CCDC88C: variants seen among roughly 807,000 people sequenced by gnomAD.
CCDC88C encodes the protein coiled-coil and HOOK domain protein 88C.
CCDC88C carries 131 observed loss-of-function variants against 198.8 expected under a neutral mutation model. That is an observed-to-expected ratio of 0.66 (90% CI 0.57 to 0.76). The LOEUF (loss-of-function observed/expected upper bound fraction) is 0.76, where lower values mean the gene tolerates loss of function less well. Among genes scored for constraint, CCDC88C ranks in the 30% least tolerant of loss-of-function variants. The pLI is 0.00. For synonymous variants in CCDC88C, 1,166 were observed against 1,114.7 expected (o/e 1.05, Z -0.92); for missense variants, 2,553 against 2,631.6 (o/e 0.97, Z 0.65).
chr14:91,345,187 TATA>T (rs1338871243), intron 4 of CCDC88C, among the ~76,000 whole-genome samples: 12,856 of 82,468 alleles, frequency 0.16, 1,262 homozygotes, highest in Non-Finnish European at 0.21. Context: ...TATATATATA[TATA>T]TTTTTTTTTT....
At chr14:91,340,799 A>G (rs533888678) in intron 6 of CCDC88C, among the ~76,000 whole-genome samples, 14 of 152,314 alleles carry the variant, frequency 9.2e-5, no homozygotes, top group African/African-American at 3.4e-4. Flanking sequence ...AGAAAACAAA[A>G]AAACTCAGCT....
chr14:91,305,642 C>T, intron 19 of CCDC88C, 123 bp downstream of exon 19: 2 of 939,134 alleles, frequency 2.1e-6, no homozygotes, highest in South Asian at 2.1e-5. Flanking sequence ...AACAAAATCC[C>T]AAACTGCTTT....
At chr14:91,290,006 C>A (rs1890589683) in intron 24 of CCDC88C, among the ~76,000 whole-genome samples, 1 of 152,096 alleles carries the variant, frequency 6.6e-6, no homozygotes. Flanking sequence ...CATGGTGGCT[C>A]ACGCCTGTAA....
chr14:91,354,213 G>C (rs534633332), intron 4 of CCDC88C, among the ~76,000 whole-genome samples: 2 of 152,316 alleles, frequency 1.3e-5, no homozygotes, highest in Admixed American at 6.5e-5. Context: ...AAAAAACAAT[G>C]CTTTCTTCCA....
chr14:91,361,517 A>G (rs1894304991), intron 3 of CCDC88C, among the ~76,000 whole-genome samples: 2 of 152,130 alleles, frequency 1.3e-5, no homozygotes, highest in Admixed American at 6.5e-5. Flanking sequence ...TATGGCTCCT[A>G]TCCACACTGC....
chr14:91,276,438 A>G (rs112525718), intron 29 of CCDC88C, among the ~76,000 whole-genome samples: 2 of 152,236 alleles, frequency 1.3e-5, no homozygotes, highest in Non-Finnish European at 2.9e-5. Context: ...GCCATGTTTT[A>G]TATTTCTCTC....
At chr14:91,294,082 CCT>C in intron 23 of CCDC88C, 89 bp downstream of exon 23, 5 of 1,477,686 alleles carry the variant, frequency 3.4e-6, no homozygotes, top group Non-Finnish European at 4.7e-6. Flanking sequence ...CCCAGGGGCT[CCT>C]CTCTGCATGG....
chr14:91,325,024 A>C lies in CCDC88C; in HGVS notation c.1198-101T>G. The stretch of plus-strand genomic sequence containing the variant: ...TAGCTACCGTCATGTGCTGTGGATG[A>C]AGATGTACTGGCTCACTTCCAAATA... On this transcript the variant is annotated intron_variant, in intron 11 of 29. Transcript: ENST00000389857. This position sits in a 1 kb window ranked among gnomAD's most constrained non-coding sequence, Gnocchi z 4.1. 2.8e-6 allele frequency: 4 copies of C among 1,421,036 alleles called. No homozygotes were observed. The highest frequency in any genetic ancestry group is 3.9e-6 in the Non-Finnish European group (4 of 1,027,268). The allele number at this position is 1,421,036 out of a possible 1,614,324, so 88.0% of individuals were successfully genotyped here.
intron 12 of CCDC88C, among the ~76,000 whole-genome samples, chr14:91,322,613 C>A (rs192507736): frequency 7.2e-5 from 11 of 151,958 alleles, no homozygotes; most frequent in South Asian, 4.1e-4. Flanking sequence ...AGTGTCTCTG[C>A]AGAATTCATG....
intron 10 of CCDC88C, among the ~76,000 whole-genome samples, chr14:91,329,833 C>T (rs551518503): frequency 6.0e-4 from 91 of 152,346 alleles, no homozygotes; most frequent in African/African-American, 1.9e-3. Context: ...TACACAAGGT[C>T]GTTACCACTC....
Position 91,272,764 on chromosome 14 carries a change from C to G in CCDC88C, c.5948G>C (p.Gly1983Ala), listed in dbSNP as rs45542736. 0.017 allele frequency: 27,416 copies of G among 1,607,908 alleles called. 342 individuals are homozygous for G. The highest frequency in any genetic ancestry group is 0.025 in the Middle Eastern group (153 of 6,008). Reference protein sequence around the residue: ...CSEGLPAKSPGRSPDLAPHLG... With the variant: ...CSEGLPAKSPARSPDLAPHLG... The stretch of plus-strand genomic sequence containing the variant: ...GTGGGGAGCCAAATCGGGAGACCGA[C>G]CTGGGCTCTTGGCCGGAAGCCCCTC... Residue 1983 changes from glycine to alanine, a missense_variant, in exon 30 of 30, where the codon GGT becomes GCT. Coordinates refer to ENST00000389857, the MANE Select transcript of CCDC88C (RefSeq NM_001080414.4).
At chr14:91,369,491 C>G (rs1177594675) in intron 3 of CCDC88C, among the ~76,000 whole-genome samples, 1 of 152,202 alleles carries the variant, frequency 6.6e-6, no homozygotes, top group African/African-American at 2.4e-5. Context: ...CAGGTGTGAC[C>G]CACCATGCCC....
At position 91,273,700 on chromosome 14, in the gene CCDC88C, G is replaced by A; in HGVS notation, c.5059-47C>T. 1 of 1,405,836 alleles carries A rather than the reference G, an allele frequency of 7.1e-7. No individual in the cohort carries two copies. The highest frequency in any genetic ancestry group is 1.9e-5 in the South Asian group (1 of 52,928). 87.1% of individuals were successfully genotyped at this position (1,405,836 alleles called of 1,614,324 possible). ...TTGGAGGTGGGCATGAGGGTTGGGT[G>A]GGTCCTTGGAGCCGCCTCCTGCGCG... is the stretch of plus-strand genomic sequence containing the variant. On this transcript the variant is annotated intron_variant, in intron 29 of 29. Transcript: ENST00000389857. This position sits in a 1 kb window ranked among gnomAD's most constrained non-coding sequence, Gnocchi z 5.6.
At chr14:91,415,919 C>T (rs1411819820) in intron 2 of CCDC88C, among the ~76,000 whole-genome samples, 1 of 152,086 alleles carries the variant, frequency 6.6e-6, no homozygotes. Flanking sequence ...TGAATAGGTG[C>T]GCACACGAGG....
At chr14:91,318,484 T>C (rs935251426) in intron 13 of CCDC88C, among the ~76,000 whole-genome samples, 1 of 152,184 alleles carries the variant, frequency 6.6e-6, no homozygotes, top group East Asian at 1.9e-4. Flanking sequence ...GGGTGTCTTC[T>C]GTTGTCCTAC....
Position 91,338,269 on chromosome 14 carries a change from G to C in CCDC88C, c.892-106C>G. 1 of 1,400,198 alleles carries C rather than the reference G, an allele frequency of 7.1e-7. No individual in the cohort carries two copies. Among genetic ancestry groups the C allele is most frequent in the Non-Finnish European group, 9.8e-7 (1 of 1,024,850 alleles). The allele number at this position is 1,400,198 out of a possible 1,614,324, so 86.7% of individuals were successfully genotyped here. On this transcript the variant is annotated intron_variant, in intron 9 of 29. Transcript: ENST00000389857. The surrounding 1 kb of genome is among the most constrained non-coding windows in gnomAD (Gnocchi z 4.8). ...GTGTCTCCACGACGGCCCAGGACAA[G>C]CCAGCTCCTGGTGGCCGGGGGCCTC...
chr14:91,388,702 G>C (rs1567115961), intron 3 of CCDC88C, among the ~76,000 whole-genome samples: 1 of 152,216 alleles, frequency 6.6e-6, no homozygotes, highest in African/African-American at 2.4e-5. Context: ...ACTCAAACAC[G>C]TGACATTTCA....
chr14:91,408,494 C>T (rs1886624927), intron 3 of CCDC88C, 165 bp downstream of exon 3: 1 of 626,200 alleles, frequency 1.6e-6, no homozygotes, highest in Admixed American at 2.4e-5. Flanking sequence ...CCATCTCATC[C>T]TCACACATGC....
At chr14:91,318,378 C>A (rs941352014) in intron 13 of CCDC88C, among the ~76,000 whole-genome samples, 8 of 152,228 alleles carry the variant, frequency 5.3e-5, no homozygotes, top group Middle Eastern at 6.8e-3. Flanking sequence ...GTCACACTAC[C>A]GCACTCCTGC....
Sources: allele counts gnomAD v4.1 joint callset (sites outside exome capture counted in the v4.1 genomes callset), GRCh38; gene constraint gnomAD v4.1.1; non-coding constraint Gnocchi (gnomAD v3.1); transcripts MANE v1.5; gene names NCBI Gene and HGNC (gene_info 2026-07-23, HGNC 2026-07-21).